STARD3NL: variants seen among roughly 807,000 people sequenced by gnomAD.
STARD3NL encodes STARD3 N-terminal-like protein.
Under a neutral mutation model 30.9 loss-of-function variants are expected in STARD3NL, and 17 were observed. That is an observed-to-expected ratio of 0.55 (90% CI 0.38 to 0.82). The LOEUF is 0.82. Among genes scored for constraint, STARD3NL ranks in the 40% least tolerant of loss-of-function variants. The pLI is 0.00. For synonymous variants in STARD3NL, 112 were observed against 100.5 expected (o/e 1.11, Z -0.69); for missense variants, 234 against 277.6 (o/e 0.84, Z 1.12).
chr7:38,219,500 A>G, intron 6 of STARD3NL, 65 bp from the exon 7 acceptor site: 1 of 1,164,526 alleles, frequency 8.6e-7, no homozygotes, highest in Non-Finnish European at 1.3e-6. Context: ...TATTTTACTT[A>G]ATCTTGCCAA....
intron 1 of STARD3NL, among the ~76,000 whole-genome samples, chr7:38,197,110 C>T (rs189352302): frequency 6.7e-6 from 1 of 148,820 alleles, no homozygotes; most frequent in Admixed American, 6.8e-5. Flanking sequence ...CTGTGAATTT[C>T]TGATCCTGTG....
chr7:38,210,827 T>C (rs1037048691), intron 2 of STARD3NL, among the ~76,000 whole-genome samples: 1 of 152,214 alleles, frequency 6.6e-6, no homozygotes, highest in Non-Finnish European at 1.5e-5. Flanking sequence ...TTAGTGACTT[T>C]TTTCTTACTA....
intron 1 of STARD3NL, among the ~76,000 whole-genome samples, chr7:38,201,017 T>C (rs1345476802): frequency 6.6e-6 from 1 of 152,102 alleles, no homozygotes; most frequent in Non-Finnish European, 1.5e-5. Flanking sequence ...AAATTAATTC[T>C]AGAAGTCTGA....
chr7:38,194,908 A>C (rs1207444569), intron 1 of STARD3NL, among the ~76,000 whole-genome samples: 4 of 152,226 alleles, frequency 2.6e-5, no homozygotes, highest in African/African-American at 9.6e-5. Flanking sequence ...AAAATATCAA[A>C]TAGGCTAAAA....
At chr7:38,189,280 C>T (rs183989448) in intron 1 of STARD3NL, among the ~76,000 whole-genome samples, 182 of 152,114 alleles carry the variant, frequency 1.2e-3, no homozygotes, top group Admixed American at 4.3e-3. Flanking sequence ...AGAATAACAC[C>T]GTGGAAATAA....
At chr7:38,225,216 G>T (rs925098522) in intron 7 of STARD3NL, among the ~76,000 whole-genome samples, 13 of 152,080 alleles carry the variant, frequency 8.5e-5, no homozygotes, top group Middle Eastern at 3.4e-3. Context: ...TTATTGAGTT[G>T]TAAGAATTCT....
At chr7:38,203,026 A>G (rs988904801) in intron 1 of STARD3NL, among the ~76,000 whole-genome samples, 1 of 120,928 alleles carries the variant, frequency 8.3e-6, no homozygotes, top group Non-Finnish European at 1.9e-5. Context: ...TAGTGCTGCA[A>G]TAAACATACA....
At chr7:38,197,176 C>CTTTCTTTCTT (rs1431103352) in intron 1 of STARD3NL, among the ~76,000 whole-genome samples, 13 of 147,772 alleles carry the variant, frequency 8.8e-5, no homozygotes, top group Admixed American at 2.1e-4. Flanking sequence ...TTCTTTCTTT[C>CTTTCTTTCTT]TTTCTTTCTT....
intron 7 of STARD3NL, among the ~76,000 whole-genome samples, chr7:38,226,667 GACA>G (rs1562629410): frequency 6.6e-6 from 1 of 152,218 alleles, no homozygotes; most frequent in Non-Finnish European, 1.5e-5. Flanking sequence ...TGTGCATGGA[GACA>G]ACACCAGCTG....
intron 1 of STARD3NL, among the ~76,000 whole-genome samples, chr7:38,187,732 T>C (rs191945744): frequency 2.6e-5 from 4 of 152,328 alleles, no homozygotes; most frequent in African/African-American, 4.8e-5. Context: ...TCCTGATTCA[T>C]ATCCAACTGC....
intron 7 of STARD3NL, among the ~76,000 whole-genome samples, chr7:38,224,146 T>TTTTTTTTTTTTTTTTTGA (rs1199606449): frequency 6.6e-6 from 1 of 152,222 alleles, no homozygotes; most frequent in Admixed American, 6.5e-5. Flanking sequence ...TGCTCCTTTT[T>TTTTTTTTTTTTTTTTTGA]GTGGCTGGGT....
chr7:38,187,102 G>A (rs529204847), intron 1 of STARD3NL, among the ~76,000 whole-genome samples: 2 of 152,060 alleles, frequency 1.3e-5, no homozygotes, highest in South Asian at 2.1e-4. Context: ...TGCGTTGAAC[G>A]AGTGGTGAGA....
At chr7:38,189,168 T>C (rs1784583258) in intron 1 of STARD3NL, among the ~76,000 whole-genome samples, 1 of 151,978 alleles carries the variant, frequency 6.6e-6, no homozygotes, top group Admixed American at 6.6e-5. Context: ...CACAAAGCAT[T>C]CAAGAGTGAG....
At chr7:38,184,407 A>C (rs1306915665) in intron 1 of STARD3NL, among the ~76,000 whole-genome samples, 1 of 151,968 alleles carries the variant, frequency 6.6e-6, no homozygotes, top group Non-Finnish European at 1.5e-5. Flanking sequence ...CAGGCTGTAC[A>C]GGAAGCATGG....
intron 4 of STARD3NL, chr7:38,215,379 A>G (rs1283750864): frequency 4.4e-6 from 2 of 450,562 alleles, no homozygotes; most frequent in East Asian, 7.2e-5. Flanking sequence ...GCCACCCTCT[A>G]CCTCATTTTG....
chr7:38,200,720 C>G (rs1785136095), intron 1 of STARD3NL, among the ~76,000 whole-genome samples: 1 of 152,150 alleles, frequency 6.6e-6, no homozygotes, highest in Non-Finnish European at 1.5e-5. Flanking sequence ...TGAGCTCTCC[C>G]TTCCCACTAG....
At chr7:38,181,642 C>T (rs1407714620) in intron 1 of STARD3NL, among the ~76,000 whole-genome samples, 1 of 152,048 alleles carries the variant, frequency 6.6e-6, no homozygotes, top group African/African-American at 2.4e-5. Flanking sequence ...TTAGTATCTT[C>T]TTTTTTAAAT....
chr7:38,183,344 C>T (rs1333559717), intron 1 of STARD3NL, among the ~76,000 whole-genome samples: 1 of 152,170 alleles, frequency 6.6e-6, no homozygotes, highest in Non-Finnish European at 1.5e-5. Flanking sequence ...CTGTTCTGTG[C>T]ATTGTGGGAT....
intron 1 of STARD3NL, among the ~76,000 whole-genome samples, chr7:38,184,186 C>T (rs1422707430): frequency 6.6e-6 from 1 of 152,044 alleles, no homozygotes; most frequent in Non-Finnish European, 1.5e-5. Context: ...GGAAGTGATA[C>T]CTAAGCTACC....
Sources: allele counts gnomAD v4.1 joint callset (sites outside exome capture counted in the v4.1 genomes callset), GRCh38; gene constraint gnomAD v4.1.1; transcripts MANE v1.5; gene names NCBI Gene and HGNC (gene_info 2026-07-23, HGNC 2026-07-21).